LYST: variants seen among roughly 807,000 people sequenced by gnomAD.
LYST encodes lysosomal-trafficking regulator.
In LYST, 192 loss-of-function variants were observed where a neutral mutation model predicts 413.6. The observed-to-expected ratio is 0.46, with a 90% CI of 0.41 to 0.52. The LOEUF (loss-of-function observed/expected upper bound fraction) is 0.52, where lower values mean the gene tolerates loss of function less well. Among genes scored for constraint, LYST ranks in the 20% least tolerant of loss-of-function variants. LYST has a pLI of 0.00. For missense variants in LYST, 3,815 were observed against 4,499.9 expected (o/e 0.85, Z 4.35); for synonymous variants, 1,525 against 1,567.3 (o/e 0.97, Z 0.64).
chr1:235,873,534 T>C (rs1681025183), intron 1 of LYST, among the ~76,000 whole-genome samples: 1 of 152,210 alleles, frequency 6.6e-6, no homozygotes, highest in Non-Finnish European at 1.5e-5. Flanking sequence ...ACAGGTGTTT[T>C]AGTAGACACA....
At chr1:235,806,846 T>C (rs1057194139) in intron 5 of LYST, 74 bp from the exon 6 acceptor site, 1 of 960,434 alleles carries the variant, frequency 1.0e-6, no homozygotes, top group African/African-American at 1.6e-5. Flanking sequence ...ATATAATATT[T>C]AATATATCGC....
chr1:235,868,985 GCT>G (rs1558369192), upstream of LYST, among the ~76,000 whole-genome samples: 4 of 152,146 alleles, frequency 2.6e-5, no homozygotes, highest in African/African-American at 9.6e-5. Context: ...ATGAGACACC[GCT>G]CCTGGCCTCG....
rs552391792 is a variant in LYST, at chr1:235,810,223, C to T, written c.595G>A (p.Asp199Asn). Residue 199 changes from aspartate (D) to asparagine (N), a missense_variant, in exon 5 of 53, where the codon GAC becomes AAC. This residue lies in a region of LYST where 1,648 missense variants were observed against 1,810.3 expected (regional missense o/e 0.91). Transcript: ENST00000389793. The stretch of plus-strand genomic sequence containing the variant: ...CGGTCAAGTTTAGCTTTGGGGTGGT[C>T]TTGTTTAGGAAACGATGTTAAAAAA... ...HHFLTSFPKQ[D>N]HPKAKLDRLA... The T allele has an allele frequency of 7.1e-5, 114 of 1,614,024 alleles. No individual in the cohort carries two copies. The South Asian group carries it at 1.2e-3, about 17-fold the overall frequency.
chr1:235,766,246 G>C lies in LYST; in HGVS notation c.5954C>G (p.Pro1985Arg), dbSNP rs746352044. ...EYKEGQLTPM[P>R]REVCRSFVKI... ...CACAAATGATCTACAAACCTCTCGG[G>C]GCATGGGTGTGAGTTGCCCCTCTTT... Residue 1985 changes from proline (P) to arginine (R), a missense_variant, in exon 21 of 53, where the codon CCC becomes CGC. Physicochemically the swap from Pro to Arg is moderately radical, Grantham distance 103 (BLOSUM62 -2). This residue lies in a region of LYST where 530 missense variants were observed against 696.5 expected (regional missense o/e 0.76). Coordinates refer to ENST00000389793, the MANE Select transcript of LYST (RefSeq NM_000081.4). The C allele has an allele frequency of 1.9e-6, 3 of 1,612,428 alleles. No individual in the cohort carries two copies. In the South Asian group the frequency reaches 3.3e-5, roughly 18 times the overall value.
intron 42 of LYST, chr1:235,713,281 T>C (rs1662556172): frequency 1.3e-6 from 1 of 754,828 alleles, no homozygotes; most frequent in African/African-American, 1.9e-5. Context: ...TCAATCAAAA[T>C]GGAATTCAGA....
At chr1:235,776,236 C>T (rs952732730) in intron 17 of LYST, among the ~76,000 whole-genome samples, 1 of 151,950 alleles carries the variant, frequency 6.6e-6, no homozygotes, top group Non-Finnish European at 1.5e-5. Context: ...GAAGAAAAGA[C>T]AGATTACAGA....
chr1:235,778,854 C>T (rs1036263731), intron 16 of LYST, among the ~76,000 whole-genome samples: 14 of 151,570 alleles, frequency 9.2e-5, no homozygotes, highest in African/African-American at 3.4e-4. Context: ...CATGAGGGTA[C>T]CATTTCTTGT....
Position 235,838,174 on chromosome 1 carries a change from G to A in LYST, c.-97-4507C>T, listed in dbSNP as rs142186137. On this transcript the variant is annotated intron_variant, in intron 1 of 52. Coordinates refer to ENST00000389793, the MANE Select transcript of LYST (RefSeq NM_000081.4). ...GGTGCAATAAACAGCAAGACTGCCA[G>A]CTGAGAGTGAGAAGTGGGAAGGAGG... is the stretch of plus-strand genomic sequence containing the variant. Among the ~76,000 whole-genome samples the A allele has an allele frequency of 7.2e-3, 1,102 of 152,316 alleles. 9 individuals are homozygous for A. The highest frequency in any genetic ancestry group is 0.013 in the Non-Finnish European group (876 of 68,014).
At chr1:235,720,932 C>A in intron 39 of LYST, 27 bp from the exon 40 acceptor site, 5 of 1,609,512 alleles carry the variant, frequency 3.1e-6, no homozygotes, top group Non-Finnish European at 3.4e-6. Context: ...AGAAAAAAAC[C>A]CAGATATTAT....
At chr1:235,793,381 C>T in intron 11 of LYST, 122 bp downstream of exon 11, 1 of 565,374 alleles carries the variant, frequency 1.8e-6, no homozygotes, top group East Asian at 3.0e-5. Flanking sequence ...ATTGCCTATA[C>T]CAACTGTCAC....
intron 5 of LYST, among the ~76,000 whole-genome samples, chr1:235,807,789 TTATC>T (rs1233722680): frequency 2.0e-5 from 3 of 152,100 alleles, no homozygotes; most frequent in Non-Finnish European, 2.9e-5. Flanking sequence ...TTATTTTTGT[TTATC>T]TATATTTTCT....
At chr1:235,801,318 A>G (rs1358417251) in intron 8 of LYST, among the ~76,000 whole-genome samples, 3 of 152,126 alleles carry the variant, frequency 2.0e-5, no homozygotes, top group East Asian at 1.9e-4. Context: ...ATAGAACTAC[A>G]AATTTTACAA....
Position 235,810,124 on chromosome 1 carries a change from CCT to C in LYST, c.692_693del (p.Gln231ArgfsTer5). Reference protein sequence around the residue: ...LENSREIIPRQGSNTDILSEP... With the variant: ...LENSREIIPRXGSNTDILSEP... ...TCACTTAAAATGTCAGTGTTTGACC[CCT>C]GTCTTGGAATAATCTCTCTGGAATT... On this transcript the variant is annotated frameshift_variant, in exon 5 of 53. Coordinates refer to ENST00000389793, the MANE Select transcript of LYST (RefSeq NM_000081.4). LOFTEE classifies it high-confidence loss of function. 6.2e-7 allele frequency: 1 copy of C among 1,614,142 alleles called. No individual in the cohort carries two copies. Among genetic ancestry groups the C allele is most frequent in the Non-Finnish European group, 8.5e-7 (1 of 1,180,000 alleles).
chr1:235,819,914 G>A (rs1247190674), intron 3 of LYST, among the ~76,000 whole-genome samples: 1 of 152,184 alleles, frequency 6.6e-6, no homozygotes, highest in African/African-American at 2.4e-5. Context: ...CCAAAGTGCT[G>A]GGATTACAGG....
At chr1:235,687,840 AAGGTC>A (rs1660337433) in intron 47 of LYST, among the ~76,000 whole-genome samples, 3 of 152,180 alleles carry the variant, frequency 2.0e-5, no homozygotes, top group Admixed American at 2.0e-4. Flanking sequence ...GTCTGCTTTC[AAGGTC>A]AGCCTTGCCT....
At chr1:235,870,887 A>T (rs533919610), upstream of LYST, among the ~76,000 whole-genome samples, 1 of 152,368 alleles carries the variant, frequency 6.6e-6, no homozygotes, top group African/African-American at 2.4e-5. Flanking sequence ...TTGGAGCTGG[A>T]CAATCTTAAT....
At chr1:235,840,982 C>A (rs940732037) in intron 1 of LYST, among the ~76,000 whole-genome samples, 1 of 152,110 alleles carries the variant, frequency 6.6e-6, no homozygotes, top group East Asian at 1.9e-4. Context: ...CTGTCACCTG[C>A]GAAGAACACA....
chr1:235,753,386 T>C (rs751597672), intron 25 of LYST, 112 bp from the exon 26 acceptor site: 1 of 711,714 alleles, frequency 1.4e-6, no homozygotes, highest in Non-Finnish European at 2.5e-6. Flanking sequence ...TAAAAACAAG[T>C]TGGGGGAGTA....
Position 235,730,871 on chromosome 1 carries a change from T to C in LYST, c.9020A>G (p.Asp3007Gly). The C allele has an allele frequency of 6.2e-7, 1 of 1,612,502 alleles. No homozygotes were observed. Among genetic ancestry groups the C allele is most frequent in the Non-Finnish European group, 8.5e-7 (1 of 1,178,546 alleles). Residue 3007 changes from aspartate (D) to glycine (G), a missense_variant, in exon 36 of 53, where the codon GAC becomes GGC. By Grantham distance (94) the Asp-to-Gly change is moderately conservative. Around this residue, in one of 4 missense-constraint regions of LYST, gnomAD observed 866 missense variants for 1,156.0 expected, o/e 0.75. Coordinates refer to ENST00000389793, the MANE Select transcript of LYST (RefSeq NM_000081.4). Reference sequence around the variant, plus strand: ...CCTTATAGATTCACTTGCAGCTTTGTCTTTGACAGTAGAAGAGAAAGAAGA... The same window carrying C: ...CCTTATAGATTCACTTGCAGCTTTGCCTTTGACAGTAGAAGAGAAAGAAGA... The part of the protein sequence containing the change: ...THSSFSSTVK[D>G]KAASESIRVN...
Sources: allele counts gnomAD v4.1 joint callset (sites outside exome capture counted in the v4.1 genomes callset), GRCh38; gene constraint gnomAD v4.1.1; regional missense constraint gnomAD v4.1.1; transcripts MANE v1.5; gene names NCBI Gene and HGNC (gene_info 2026-07-23, HGNC 2026-07-21).